DRC11L: variants seen among roughly 807,000 people sequenced by gnomAD.
DRC11L encodes dynein regulatory complex subunit 11 like.
chr7:151,203,325 C>A, the DRC11L span: 10 of 399,102 alleles, frequency 2.5e-5, no homozygotes, highest in African/African-American at 1.9e-4. Context: ...AGGGAGGGGC[C>A]TCTCTGCATT....
chr7:151,191,836 C>T, the DRC11L span: 10 of 399,132 alleles, frequency 2.5e-5, no homozygotes, highest in East Asian at 1.4e-4. Flanking sequence ...GGTGCTGGGT[C>T]GGCTGGATGC....
At chr7:151,194,371 G>A in the DRC11L span, 8 of 399,022 alleles carry the variant, frequency 2.0e-5, no homozygotes, top group Middle Eastern at 6.3e-4. Context: ...CACCTGTGGC[G>A]ATAGGCAGCC....
At chr7:151,191,722 G>C in the DRC11L span, 1 of 399,210 alleles carries the variant, frequency 2.5e-6, no homozygotes, top group African/African-American at 2.1e-5. Context: ...GGGGCCGCTT[G>C]GACAGTTGCA....
the DRC11L span, among the ~76,000 whole-genome samples, chr7:151,193,906 CAAA>C: frequency 4.3e-5 from 5 of 116,256 alleles, no homozygotes; most frequent in African/African-American, 3.1e-5. Context: ...GACTCTATCT[CAAA>C]AAAAAAAAAA....
chr7:151,193,293 T>G, the DRC11L span: 2 of 399,472 alleles, frequency 5.0e-6, no homozygotes, highest in East Asian at 7.1e-5. Context: ...CTCCGGACCT[T>G]AAAGACTATA....
At chr7:151,193,373 A>G in the DRC11L span, 7 of 399,610 alleles carry the variant, frequency 1.8e-5, no homozygotes, top group South Asian at 6.4e-4. Flanking sequence ...CAGGTCGAAC[A>G]GGTTGGCGCC....
the DRC11L span, chr7:151,204,953 T>C: frequency 2.5e-6 from 1 of 398,382 alleles, no homozygotes; most frequent in Non-Finnish European, 4.4e-6. Context: ...ATGTCACTCA[T>C]GGCTCCTAAA....
At chr7:151,199,453 G>C in the DRC11L span, among the ~76,000 whole-genome samples, 3 of 152,192 alleles carry the variant, frequency 2.0e-5, no homozygotes, top group Non-Finnish European at 4.4e-5. The surrounding 1 kb of genome is among the most constrained non-coding windows in gnomAD (Gnocchi z 5.2). Flanking sequence ...ATAGGCCCGG[G>C]CGGCCGGGCT....
chr7:151,197,325 C>CA, the DRC11L span: 1 of 399,090 alleles, frequency 2.5e-6, no homozygotes, highest in Non-Finnish European at 4.4e-6. Context: ...GTTCCATTCT[C>CA]ACCTGTGACC....
chr7:151,205,317 GGCA>G, the DRC11L span: 1 of 398,032 alleles, frequency 2.5e-6, no homozygotes, highest in Non-Finnish European at 4.4e-6. Context: ...AAGCTGCCAG[GGCA>G]GCAGCAGCAG....
the DRC11L span, chr7:151,195,378 A>C: frequency 1.0e-5 from 4 of 399,044 alleles, no homozygotes; most frequent in Admixed American, 1.8e-4. Context: ...CTGGACTGGG[A>C]CTTACTCCAC....
the DRC11L span, chr7:151,195,299 G>T: frequency 2.5e-6 from 1 of 397,858 alleles, no homozygotes; most frequent in Non-Finnish European, 4.4e-6. Context: ...ACGAGGCCAG[G>T]GAGTCAGAGA....
the DRC11L span, chr7:151,193,474 G>T: frequency 1.5e-5 from 6 of 399,308 alleles, no homozygotes; most frequent in Non-Finnish European, 2.7e-5. Context: ...GGGCCATGAT[G>T]TGGATATCCG....
At chr7:151,192,382 C>A in the DRC11L span, 83 of 399,338 alleles carry the variant, frequency 2.1e-4, no homozygotes, top group African/African-American at 1.6e-3. Flanking sequence ...TCCCAATCAG[C>A]ATCACACGGT....
chr7:151,193,324 A>G, the DRC11L span: 1 of 399,566 alleles, frequency 2.5e-6, no homozygotes, highest in Non-Finnish European at 4.4e-6. Flanking sequence ...TCTGTGCCCC[A>G]TTCCTGCCAG....
the DRC11L span, among the ~76,000 whole-genome samples, chr7:151,202,724 G>A: frequency 1.3e-5 from 2 of 152,188 alleles, no homozygotes; most frequent in Non-Finnish European, 2.9e-5. Flanking sequence ...ATTGTCAAAG[G>A]ATTGTAGTCC....
chr7:151,199,403 C>T, the DRC11L span, among the ~76,000 whole-genome samples: 5 of 152,262 alleles, frequency 3.3e-5, no homozygotes, highest in Non-Finnish European at 7.3e-5. The surrounding 1 kb of genome is among the most constrained non-coding windows in gnomAD (Gnocchi z 5.2). Context: ...TATCACTCTG[C>T]GCAGAGACAA....
At chr7:151,205,432 C>T in the DRC11L span, 2 of 399,394 alleles carry the variant, frequency 5.0e-6, no homozygotes, top group Non-Finnish European at 8.8e-6. Flanking sequence ...CCCACTCCAG[C>T]CCCTCACTCA....
chr7:151,201,404 T>C, the DRC11L span, among the ~76,000 whole-genome samples: 46 of 152,324 alleles, frequency 3.0e-4, no homozygotes, highest in South Asian at 5.6e-3. The surrounding 1 kb of genome is among the most constrained non-coding windows in gnomAD (Gnocchi z 4.1). Flanking sequence ...ACAGGGGAAG[T>C]GGGACTCCAT....
Sources: allele counts gnomAD v4.1 joint callset (sites outside exome capture counted in the v4.1 genomes callset), GRCh38; gene constraint gnomAD v4.1.1; non-coding constraint Gnocchi (gnomAD v3.1); transcripts MANE v1.5; gene names NCBI Gene and HGNC (gene_info 2026-07-23, HGNC 2026-07-21).